Variants in MMS22L observed in about 807,000 individuals in gnomAD.
MMS22L encodes the protein protein MMS22-like.
A neutral mutation model predicts 159.1 loss-of-function variants in MMS22L; 74 were observed. That is an observed-to-expected ratio of 0.47 (90% CI 0.39 to 0.56). The LOEUF (loss-of-function observed/expected upper bound fraction) is 0.56, where lower values mean the gene tolerates loss of function less well. Among genes scored for constraint, MMS22L ranks in the 20% least tolerant of loss-of-function variants. MMS22L has a pLI of 0.00. For missense variants in MMS22L, 1,351 were observed against 1,422.1 expected (o/e 0.95, Z 0.80); for synonymous variants, 517 against 506.9 (o/e 1.02, Z -0.27).
At chr6:97,219,957 AC>A (rs1293792876) in intron 14 of MMS22L, among the ~76,000 whole-genome samples, 1 of 151,800 alleles carries the variant, frequency 6.6e-6, no homozygotes, top group Non-Finnish European at 1.5e-5. Flanking sequence ...CTGCCATCTC[AC>A]CCCTATGTCT....
intron 15 of MMS22L, among the ~76,000 whole-genome samples, chr6:97,184,080 C>G (rs193099019): frequency 6.6e-6 from 1 of 152,152 alleles, no homozygotes; most frequent in Non-Finnish European, 1.5e-5. Flanking sequence ...ACAAACTGCT[C>G]TTTCAGGTCA....
At chr6:97,151,096 G>A (rs1801274171) in intron 23 of MMS22L, among the ~76,000 whole-genome samples, 1 of 152,114 alleles carries the variant, frequency 6.6e-6, no homozygotes, top group Non-Finnish European at 1.5e-5. Context: ...AGCGGAACAT[G>A]TTTAGCAAGG....
At chr6:97,162,285 T>C (rs1320476971) in intron 21 of MMS22L, 120 bp from the exon 22 acceptor site, 9 of 705,854 alleles carry the variant, frequency 1.3e-5, no homozygotes, top group Non-Finnish European at 4.6e-6. Flanking sequence ...GTGCCACTTG[T>C]ATAAAGTATG....
At chr6:97,281,548 T>C (rs1181650274) in intron 2 of MMS22L, among the ~76,000 whole-genome samples, 186 bp from the exon 3 acceptor site, 1 of 152,186 alleles carries the variant, frequency 6.6e-6, no homozygotes, top group Non-Finnish European at 1.5e-5. Context: ...TCTTCTATAT[T>C]GATAAAATGT....
intron 18 of MMS22L, among the ~76,000 whole-genome samples, chr6:97,176,219 T>C (rs905390416): frequency 2.0e-5 from 3 of 152,170 alleles, no homozygotes; most frequent in East Asian, 1.9e-4. Context: ...ATGTAAAAGA[T>C]TTTACACTAT....
At chr6:97,200,013 C>T (rs1232427494) in intron 14 of MMS22L, among the ~76,000 whole-genome samples, 1 of 152,018 alleles carries the variant, frequency 6.6e-6, no homozygotes, top group Non-Finnish European at 1.5e-5. Flanking sequence ...AATTTCTCTC[C>T]CTGACTCCTC....
chr6:97,231,519 C>A lies in MMS22L; in HGVS notation c.1436G>T (p.Ser479Ile). 6.2e-7 allele frequency: 1 copy of A among 1,613,758 alleles called. No homozygotes were observed. Among genetic ancestry groups the A allele is most frequent in the Non-Finnish European group, 8.5e-7 (1 of 1,179,766 alleles). ...AATACAAAGAAAAATAGTATAACTA[C>A]TGCTGGATTTATATAGTTCCTGATC... ...KQDQELYKSS[S>I]SYTIFLCILA... Residue 479 changes from serine to isoleucine, a missense_variant, in exon 13 of 25, where the codon AGT becomes ATT. Transcript: ENST00000683635.
chr6:97,175,724 G>A (rs998458967), intron 18 of MMS22L, among the ~76,000 whole-genome samples: 3 of 152,022 alleles, frequency 2.0e-5, no homozygotes, highest in East Asian at 1.9e-4. Context: ...AATAAGTATC[G>A]GGAAGCTCTC....
rs1484577764 is a variant in MMS22L at position 97,168,131 on chromosome 6, C to T, written c.2949G>A (p.Glu983=). The T allele has an allele frequency of 6.2e-7, 1 of 1,613,224 alleles. No individual in the cohort carries two copies. The highest frequency in any genetic ancestry group is 8.5e-7 in the Non-Finnish European group (1 of 1,179,440). ...ACAACATAGGTGCAGGCAGTTCCTTCTCTTGCTGTAATACTGCATGTGGCA... is the reference window on the plus strand; with the variant it reads ...ACAACATAGGTGCAGGCAGTTCCTTTTCTTGCTGTAATACTGCATGTGGCA... ...LLLPHAVLQQ[E]KELPAPMLSA... The change falls in exon 20 of 25, where the codon GAG becomes GAA. Residue 983 remains glutamate, a synonymous_variant. Coordinates refer to ENST00000683635, the MANE Select transcript of MMS22L (RefSeq NM_001350599.2).
chr6:97,261,284 GT>G (rs1165668969), intron 9 of MMS22L: 3 of 152,112 alleles, frequency 2.0e-5, no homozygotes, highest in African/African-American at 7.2e-5. Flanking sequence ...TACAGCTGAC[GT>G]TTGAACAACA....
intron 14 of MMS22L, among the ~76,000 whole-genome samples, chr6:97,214,550 T>C (rs1198183762): frequency 6.6e-6 from 1 of 152,180 alleles, no homozygotes; most frequent in Non-Finnish European, 1.5e-5. Flanking sequence ...TTTTAAAAAA[T>C]CCATCTACAT....
chr6:97,224,189 C>T (rs1334323917), intron 14 of MMS22L, among the ~76,000 whole-genome samples: 1 of 152,232 alleles, frequency 6.6e-6, no homozygotes, highest in East Asian at 1.9e-4. Flanking sequence ...AAATTGAATC[C>T]AGGTGCAGTT....
chr6:97,162,550 T>C (rs1177171527), intron 21 of MMS22L, among the ~76,000 whole-genome samples: 1 of 151,940 alleles, frequency 6.6e-6, no homozygotes, highest in East Asian at 1.9e-4. Flanking sequence ...AATGTCAAAT[T>C]TGCATAAAGA....
rs1348410837 is a variant in MMS22L, at chr6:97,143,686, A to C, written c.*3120T>G. On this transcript the variant is annotated 3_prime_UTR_variant, in exon 25 of 25. Coordinates refer to ENST00000683635, the MANE Select transcript of MMS22L (RefSeq NM_001350599.2). Reference sequence around the variant, plus strand: ...GTGGGAGAAACATGAAGAACCTAAAATGCCTCTGACATTTCAAGGCTAAAT... The same window carrying C: ...GTGGGAGAAACATGAAGAACCTAAACTGCCTCTGACATTTCAAGGCTAAAT... The C allele has an allele frequency of 6.6e-6, 1 of 152,154 alleles. No individual in the cohort carries two copies. The allele number at this position is 152,154 out of a possible 1,614,324, so 9.4% of individuals were successfully genotyped here.
At position 97,204,286 on chromosome 6, in the gene MMS22L, T is replaced by C. The variant is rs556228224; in HGVS notation, c.2040-17596A>G. 2.0e-5 allele frequency among the ~76,000 whole-genome samples: 3 copies of C among 152,348 alleles called. No individual in the cohort carries two copies. The East Asian group carries it at 5.8e-4, about 29-fold the overall frequency. Reference sequence around the variant, plus strand: ...GAACTGACATCTTAGTATCTATTACTAGGAATTCCTTTCAGTAGAAACCTA... The same window carrying C: ...GAACTGACATCTTAGTATCTATTACCAGGAATTCCTTTCAGTAGAAACCTA... On this transcript the variant is annotated intron_variant, in intron 14 of 24. Transcript: ENST00000683635.
At chr6:97,229,550 T>A in intron 13 of MMS22L, 147 bp from the exon 14 acceptor site, 1 of 627,516 alleles carries the variant, frequency 1.6e-6, no homozygotes, top group Non-Finnish European at 2.6e-6. Flanking sequence ...TCACTTTTTT[T>A]ACTTAGAAAA....
intron 9 of MMS22L, chr6:97,260,094 G>A (rs958218376): frequency 6.6e-6 from 1 of 152,152 alleles, no homozygotes; most frequent in Non-Finnish European, 1.5e-5. Flanking sequence ...AGGACTTGGA[G>A]ATTTTTTCCT....
At chr6:97,221,013 T>G (rs1562473995) in intron 14 of MMS22L, among the ~76,000 whole-genome samples, 3 of 151,088 alleles carry the variant, frequency 2.0e-5, no homozygotes, top group African/African-American at 7.3e-5. Context: ...CGTCCATTGA[T>G]GTTGCCAGGC....
chr6:97,238,630 T>A (rs1582744858), intron 11 of MMS22L, among the ~76,000 whole-genome samples: 1 of 149,992 alleles, frequency 6.7e-6, no homozygotes, highest in East Asian at 2.0e-4. Context: ...GGGGAGAGAA[T>A]ATGAGCTATT....
Sources: allele counts gnomAD v4.1 joint callset (sites outside exome capture counted in the v4.1 genomes callset), GRCh38; gene constraint gnomAD v4.1.1; transcripts MANE v1.5; gene names NCBI Gene and HGNC (gene_info 2026-07-23, HGNC 2026-07-21).